Variants in TBXAS1 observed in about 807,000 individuals in gnomAD.
TBXAS1 encodes the protein thromboxane A synthase 1.
A neutral mutation model predicts 60.7 loss-of-function variants in TBXAS1; 48 were observed. The observed-to-expected ratio is 0.79, with a 90% CI of 0.63 to 1.01. The LOEUF is 1.01. Among genes scored for constraint, TBXAS1 ranks in the 50% least tolerant of loss-of-function variants. The pLI is 0.00. For synonymous variants in TBXAS1, 287 were observed against 269.7 expected, an observed-to-expected ratio of 1.06 and a Z score of -0.63; for missense variants, 685 against 686.3, an observed-to-expected ratio of 1.00 and a Z score of 0.02.
chr7:139,896,408 T>G lies in TBXAS1; in HGVS notation c.237-14817T>G, dbSNP rs1199149644. Among the ~76,000 whole-genome samples, 1 of 152,180 alleles carries G rather than the reference T, an allele frequency of 6.6e-6. No individual in the cohort carries two copies. Among genetic ancestry groups the G allele is most frequent in the Non-Finnish European group, 1.5e-5 (1 of 68,028 alleles). On this transcript the variant is annotated intron_variant, in intron 3 of 12. Coordinates refer to ENST00000448866, the MANE Select transcript of TBXAS1 (RefSeq NM_001061.7). This position sits in a 1 kb window ranked among gnomAD's most constrained non-coding sequence, Gnocchi z 4.0. ...CAAAGAGGCAGAGCAGGGGGAATAC[T>G]GCACATCTGGGGAACCATAAATAAC...
chr7:139,999,377 AC>A lies in TBXAS1; in HGVS notation c.1135-7713del, dbSNP rs531815272. 1.4e-4 allele frequency among the ~76,000 whole-genome samples: 22 copies of A among 152,204 alleles called. No individual in the cohort carries two copies. The East Asian group carries it at 4.1e-3, about 28-fold the overall frequency. The stretch of plus-strand genomic sequence containing the variant: ...CCGTCTCTATAAAAATACAATAACT[AC>A]GTGGGCATGGTGGTGAGCGCCTGTA... On this transcript the variant is annotated intron_variant, in intron 9 of 12. Transcript: ENST00000448866. The surrounding 1 kb of genome is among the most constrained non-coding windows in gnomAD (Gnocchi z 4.3).
At chr7:139,886,386 A>ATTTTT (rs8192818) in intron 3 of TBXAS1, among the ~76,000 whole-genome samples, 4 of 99,642 alleles carry the variant, frequency 4.0e-5, no homozygotes, top group Admixed American at 2.1e-4. Context: ...TTGCAGATGA[A>ATTTTT]TTTTTTTTTT....
At chr7:139,797,116 G>A (rs1438374517) in intron 4 of TBXAS1, 8 of 152,112 alleles carry the variant, frequency 5.3e-5, no homozygotes, top group Non-Finnish European at 7.3e-5. Context: ...TATAATTAGC[G>A]AGTTTTACAC....
chr7:139,953,733 C>T (rs1405200228), intron 6 of TBXAS1, among the ~76,000 whole-genome samples: 2 of 152,216 alleles, frequency 1.3e-5, no homozygotes, highest in Non-Finnish European at 2.9e-5. Context: ...AGGCCTGCGC[C>T]TAAGGACAGG....
At chr7:139,786,161 C>T (rs1304252313) in intron 3 of TBXAS1, among the ~76,000 whole-genome samples, 1 of 150,940 alleles carries the variant, frequency 6.6e-6, no homozygotes, top group Non-Finnish European at 1.5e-5. Flanking sequence ...TCACTTTTAA[C>T]TGGATGATGA....
At chr7:139,949,342 ATT>A (rs1432913688) in intron 5 of TBXAS1, among the ~76,000 whole-genome samples, 2 of 152,214 alleles carry the variant, frequency 1.3e-5, no homozygotes, top group East Asian at 1.9e-4. Context: ...AGATAGACAG[ATT>A]TTCTTTTACC....
chr7:139,961,150 G>C (rs759725493), intron 8 of TBXAS1, among the ~76,000 whole-genome samples: 1 of 152,216 alleles, frequency 6.6e-6, no homozygotes, highest in Non-Finnish European at 1.5e-5. Flanking sequence ...CTGAGAAATA[G>C]AGGGAACCGA....
At chr7:139,939,481 T>C (rs764122870) in intron 5 of TBXAS1, among the ~76,000 whole-genome samples, 1 of 151,918 alleles carries the variant, frequency 6.6e-6, no homozygotes, top group Non-Finnish European at 1.5e-5. Context: ...GGCATTTTTT[T>C]CTACTCCATA....
intron 1 of TBXAS1, among the ~76,000 whole-genome samples, chr7:139,857,346 C>A (rs1729346029): frequency 6.6e-6 from 1 of 152,046 alleles, no homozygotes; most frequent in Non-Finnish European, 1.5e-5. Context: ...TAAGCCATTA[C>A]TCTTTTTTTT....
chr7:139,803,518 A>G (rs2116365565), intron 4 of TBXAS1, among the ~76,000 whole-genome samples: 1 of 152,358 alleles, frequency 6.6e-6, no homozygotes, highest in Middle Eastern at 3.4e-3. Flanking sequence ...TGCTGCAGAA[A>G]TTTGCATAAG....
chr7:139,947,579 C>T (rs574331048), intron 5 of TBXAS1, among the ~76,000 whole-genome samples: 1 of 152,286 alleles, frequency 6.6e-6, no homozygotes, highest in Admixed American at 6.5e-5. Flanking sequence ...TTTTAAAAAA[C>T]TGGGTACTTT....
intron 9 of TBXAS1, among the ~76,000 whole-genome samples, chr7:139,985,361 T>A (rs1812369753): frequency 6.6e-6 from 1 of 152,192 alleles, no homozygotes; most frequent in Non-Finnish European, 1.5e-5. Flanking sequence ...ATGCCTTGAA[T>A]GGCAGCGAAC....
intron 9 of TBXAS1, among the ~76,000 whole-genome samples, chr7:140,005,642 C>T (rs1021025878): frequency 6.6e-6 from 1 of 152,100 alleles, no homozygotes; most frequent in Non-Finnish European, 1.5e-5. Flanking sequence ...TTTGGGAAAA[C>T]CATCCAAACC....
At chr7:139,866,639 T>C (rs1801436967) in intron 1 of TBXAS1, among the ~76,000 whole-genome samples, 1 of 150,684 alleles carries the variant, frequency 6.6e-6, no homozygotes, top group Non-Finnish European at 1.5e-5. Context: ...ACACCTGTAG[T>C]CCCAGCTACT....
At chr7:140,008,081 A>G (rs1814233743) in intron 10 of TBXAS1, among the ~76,000 whole-genome samples, 2 of 152,218 alleles carry the variant, frequency 1.3e-5, no homozygotes, top group Non-Finnish European at 2.9e-5. Flanking sequence ...TCCACTCAAC[A>G]CTTTTATGAA....
chr7:139,928,841 T>TA (rs35169532), intron 4 of TBXAS1, among the ~76,000 whole-genome samples: 1 of 152,228 alleles, frequency 6.6e-6, no homozygotes, highest in Non-Finnish European at 1.5e-5. Context: ...ATCACTTTTT[T>TA]AAAAAATCTT....
chr7:139,828,041 A>T (rs1396218483), upstream of TBXAS1, among the ~76,000 whole-genome samples: 1 of 152,100 alleles, frequency 6.6e-6, no homozygotes, highest in African/African-American at 2.4e-5. Flanking sequence ...AGATGGCTGC[A>T]GAAGTTTTCC....
intron 2 of TBXAS1, among the ~76,000 whole-genome samples, chr7:139,873,384 G>A (rs781329665): frequency 2.6e-5 from 4 of 152,210 alleles, no homozygotes; most frequent in Non-Finnish European, 4.4e-5. Context: ...CAAGGGAGAA[G>A]AACATAGGTT....
At chr7:140,008,856 CAAAGGCCATTT>C (rs1469818839) in intron 10 of TBXAS1, among the ~76,000 whole-genome samples, 1 of 152,176 alleles carries the variant, frequency 6.6e-6, no homozygotes, top group Non-Finnish European at 1.5e-5. Context: ...TCAAATAGAA[CAAAGGCCATTT>C]AAAGGAAAGA....
Sources: gnomAD v4.1 joint callset for allele counts (sites outside exome capture counted in the v4.1 genomes callset) on GRCh38, gnomAD v4.1.1 for gene constraint, Gnocchi (gnomAD v3.1) non-coding constraint, MANE v1.5 for transcripts, NCBI Gene and HGNC (gene_info 2026-07-23, HGNC 2026-07-21) for gene names.